CDC5L: variants seen among roughly 807,000 people sequenced by gnomAD.
CDC5L encodes the protein cell division cycle 5-like protein.
In CDC5L, 18 loss-of-function variants were observed where a neutral mutation model predicts 104.1. The ratio of observed to expected loss-of-function variants is 0.17; its 90% confidence interval spans 0.12 to 0.26. CDC5L has a LOEUF of 0.26. CDC5L is among the 10% of genes least tolerant of loss of function. The pLI is 1.00. For missense variants in CDC5L, 673 were observed against 956.9 expected (o/e 0.70, Z 3.91); for synonymous variants, 331 against 322.7 (o/e 1.03, Z -0.28).
chr6:44,416,082 T>C (rs1791894713), intron 8 of CDC5L, among the ~76,000 whole-genome samples: 1 of 152,220 alleles, frequency 6.6e-6, no homozygotes, highest in Admixed American at 6.5e-5. Flanking sequence ...AGAGGAGTTT[T>C]GCTTCTGTCT....
intron 8 of CDC5L, among the ~76,000 whole-genome samples, chr6:44,415,144 C>T (rs1449001118): frequency 2.0e-5 from 3 of 152,164 alleles, no homozygotes; most frequent in Non-Finnish European, 4.4e-5. Flanking sequence ...ATTATCTATC[C>T]TGTGCCAGTA....
At chr6:44,392,567 G>C (rs1790670486) in intron 2 of CDC5L, 100 bp from the exon 3 acceptor site, 2 of 1,041,696 alleles carry the variant, frequency 1.9e-6, no homozygotes, top group Non-Finnish European at 1.4e-6. Flanking sequence ...AACAGTTTTT[G>C]TAATTGAAGG....
At chr6:44,434,981 G>A (rs1333786557) in intron 14 of CDC5L, among the ~76,000 whole-genome samples, 1 of 151,960 alleles carries the variant, frequency 6.6e-6, no homozygotes, top group African/African-American at 2.4e-5. Flanking sequence ...AATAATACCT[G>A]TGCTTTGTAG....
intron 5 of CDC5L, among the ~76,000 whole-genome samples, chr6:44,401,298 C>G (rs905912533): frequency 2.2e-4 from 8 of 36,860 alleles, no homozygotes; most frequent in Admixed American, 7.6e-4. Context: ...GTTTCCTTGG[C>G]TTGCCCTCCC....
rs143600397 is a variant in CDC5L, at chr6:44,409,365, G to A, written c.1092+733G>A. Among the ~76,000 whole-genome samples, 358 of 152,250 alleles carry A rather than the reference G, an allele frequency of 2.4e-3. 1 individual carries two copies. Among genetic ancestry groups the A allele is most frequent in the African/African-American group, 7.9e-3 (327 of 41,536 alleles). ...TTTGGCTTTCACACCCTCTGTGTCC[G>A]TCATGCATACATTTTCTATTCCCCT... On this transcript the variant is annotated intron_variant, in intron 8 of 15. Transcript: ENST00000371477.
intron 14 of CDC5L, among the ~76,000 whole-genome samples, chr6:44,432,081 G>T (rs1232440629): frequency 6.6e-6 from 1 of 152,084 alleles, no homozygotes; most frequent in Non-Finnish European, 1.5e-5. Context: ...TTTAAAAAAA[G>T]AAAAGCAGCT....
In CDC5L at chr6:44,429,907, C is replaced by T. The variant is rs777712331; in HGVS notation, c.2088C>T (p.Leu696=). ...KDRIESLEKR[L]EINRGHMTTE... Reference sequence around the variant, plus strand: ...GAATTGAATCACTTGAAAAGAGGCTCGAGGTTGGTATCCTTTTAAAATTTT... The same window carrying T: ...GAATTGAATCACTTGAAAAGAGGCTTGAGGTTGGTATCCTTTTAAAATTTT... The change falls in exon 14 of 16, where the codon CTC becomes CTT. Residue 696 remains leucine, a synonymous_variant. Transcript: ENST00000371477. 2.2e-5 allele frequency: 35 copies of T among 1,612,122 alleles called. No homozygotes were observed. The highest frequency in any genetic ancestry group is 5.5e-5 in the South Asian group (5 of 90,986).
chr6:44,430,029 T>C, intron 14 of CDC5L, 119 bp downstream of exon 14: 1 of 713,176 alleles, frequency 1.4e-6, no homozygotes, highest in Non-Finnish European at 2.3e-6. Context: ...CCTTTTTAGT[T>C]GTTGGAGAAA....
chr6:44,397,210 A>G lies in CDC5L; in HGVS notation c.539+770A>G, dbSNP rs563047327. 6.1e-4 allele frequency among the ~76,000 whole-genome samples: 93 copies of G among 152,360 alleles called. 1 individual carries two copies. In the South Asian group the frequency reaches 0.018, roughly 30 times the overall value. On this transcript the variant is annotated intron_variant, in intron 5 of 15. Coordinates refer to ENST00000371477, the MANE Select transcript of CDC5L (RefSeq NM_001253.4). ...TCAGTCAACTCATTAACATGCAGAAAGACACTTTTCACTTGGAAGAGTCCC... is the reference window on the plus strand; with the variant it reads ...TCAGTCAACTCATTAACATGCAGAAGGACACTTTTCACTTGGAAGAGTCCC...
rs749816271 is a variant in CDC5L, at chr6:44,446,981, AG to A, written c.*271del. ...TTTAGTTTTGGCCTTTAATTTAAAA[AG>A]CCTAATTTTAAAGTGCTGCCTGTGA... On this transcript the variant is annotated 3_prime_UTR_variant, in exon 16 of 16. Coordinates refer to ENST00000371477, the MANE Select transcript of CDC5L (RefSeq NM_001253.4). 3.0e-5 allele frequency: 7 copies of A among 233,680 alleles called. No individual in the cohort carries two copies. The highest frequency in any genetic ancestry group is 5.7e-5 in the Non-Finnish European group (7 of 122,160). 14.5% of individuals were successfully genotyped at this position (233,680 alleles called of 1,614,324 possible).
rs11571990 is a variant in CDC5L, at chr6:44,420,450, C to G, written c.1241+853C>G. 4.6e-4 allele frequency among the ~76,000 whole-genome samples: 70 copies of G among 151,912 alleles called. 1 individual carries two copies. The highest frequency in any genetic ancestry group is 1.6e-3 in the African/African-American group (67 of 41,334). ...CTCGGCTCATCACAACCTCCGCCTCCTAGGTTCAAGCAATTCTTCTGCCTT... is the reference window on the plus strand; with the variant it reads ...CTCGGCTCATCACAACCTCCGCCTCGTAGGTTCAAGCAATTCTTCTGCCTT... On this transcript the variant is annotated intron_variant, in intron 9 of 15. Coordinates refer to ENST00000371477, the MANE Select transcript of CDC5L (RefSeq NM_001253.4).
chr6:44,443,260 T>G (rs1259514322), intron 14 of CDC5L, among the ~76,000 whole-genome samples: 2 of 152,072 alleles, frequency 1.3e-5, no homozygotes, highest in Non-Finnish European at 2.9e-5. Flanking sequence ...CATGGTGATA[T>G]GCTTTTTTCT....
intron 3 of CDC5L, 147 bp downstream of exon 3, chr6:44,392,975 C>A: frequency 1.6e-6 from 1 of 617,468 alleles, no homozygotes; most frequent in Non-Finnish European, 2.7e-6. Flanking sequence ...TTTTCCATAT[C>A]TCAGATGGTT....
At chr6:44,419,385 CA>C in intron 8 of CDC5L, 63 bp from the exon 9 acceptor site, 1 of 1,500,674 alleles carries the variant, frequency 6.7e-7, no homozygotes, top group Non-Finnish European at 9.2e-7. Flanking sequence ...ATAGTAGGAC[CA>C]GAAGAGATTC....
At position 44,403,806 on chromosome 6, in the gene CDC5L, C is replaced by G. The variant is rs1175864932; in HGVS notation, c.540-3C>G. ...TTTCAAAGTGATTTTGCATTCTTTT[C>G]AGACGTCTTGCTGCCCTCCAAAAAA... On this transcript the variant is annotated splice_region_variant and splice_polypyrimidine_tract_variant and intron_variant, in intron 5 of 15. Transcript: ENST00000371477. 1 of 1,597,252 alleles carries G rather than the reference C, an allele frequency of 6.3e-7. No individual in the cohort carries two copies. The highest frequency in any genetic ancestry group is 8.5e-7 in the Non-Finnish European group (1 of 1,173,798).
intron 14 of CDC5L, 45 bp from the exon 15 acceptor site, chr6:44,445,610 C>A: frequency 7.0e-7 from 1 of 1,420,468 alleles, no homozygotes; most frequent in Non-Finnish European, 9.8e-7. Flanking sequence ...ATTTAATAGC[C>A]TGCTTTTCTC....
intron 1 of CDC5L, among the ~76,000 whole-genome samples, 155 bp downstream of exon 1, chr6:44,388,023 G>T (rs1000789628): frequency 2.0e-5 from 3 of 152,124 alleles, no homozygotes; most frequent in Non-Finnish European, 4.4e-5. Context: ...CGTGTGTCTG[G>T]CCCCGTGTTG....
rs887950191 is a variant in CDC5L, at chr6:44,429,827, T to C, written c.2008T>C (p.Tyr670His). 6.2e-7 allele frequency: 1 copy of C among 1,614,108 alleles called. No individual in the cohort carries two copies. Among genetic ancestry groups the C allele is most frequent in the Non-Finnish European group, 8.5e-7 (1 of 1,179,958 alleles). ...VWEECYSQVL[Y>H]LPGQSRYTRA... ...GGAAGAATGCTACAGTCAAGTTTTATATCTTCCTGGGCAGAGCCGCTACAC... is the reference window on the plus strand; with the variant it reads ...GGAAGAATGCTACAGTCAAGTTTTACATCTTCCTGGGCAGAGCCGCTACAC... Residue 670 changes from tyrosine to histidine, a missense_variant, in exon 14 of 16, where the codon TAT (tyrosine) becomes CAT (histidine). Physicochemically the swap from Tyr to His is moderately conservative, Grantham distance 83 (BLOSUM62 2). Around this residue, in one of 4 missense-constraint regions of CDC5L, gnomAD observed 578 missense variants for 737.0 expected, o/e 0.78. Coordinates refer to ENST00000371477, the MANE Select transcript of CDC5L (RefSeq NM_001253.4).
At chr6:44,425,161 T>C (rs1792363970) in intron 11 of CDC5L, among the ~76,000 whole-genome samples, 1 of 152,212 alleles carries the variant, frequency 6.6e-6, no homozygotes. Flanking sequence ...CACAGTGATA[T>C]AAATAGGATC....
Sources: allele counts gnomAD v4.1 joint callset (sites outside exome capture counted in the v4.1 genomes callset), GRCh38; gene constraint gnomAD v4.1.1; regional missense constraint gnomAD v4.1.1; transcripts MANE v1.5; gene names NCBI Gene and HGNC (gene_info 2026-07-23, HGNC 2026-07-21).